The following MAMLD1 variants were observed in gnomAD, a reference collection of about 807,000 sequenced individuals.
MAMLD1 encodes mastermind-like domain-containing protein 1.
A neutral mutation model predicts 45.0 loss-of-function variants in MAMLD1; 14 were observed. The observed-to-expected ratio is 0.31, with a 90% CI of 0.21 to 0.49. The LOEUF (loss-of-function observed/expected upper bound fraction) is 0.49. MAMLD1 is among the 20% of genes least tolerant of loss of function. MAMLD1 has a pLI of 0.99. For synonymous variants in MAMLD1, 254 were observed against 247.8 expected, an observed-to-expected ratio of 1.02 and a Z score of -0.24; for missense variants, 543 against 603.6, an observed-to-expected ratio of 0.90 and a Z score of 1.05.
At position 150,501,974 on chromosome X, in the gene MAMLD1, C is replaced by A. The variant is rs2037570224; in HGVS notation, c.2041-1300C>A. ...GGCAACTTAGTTAACCTCTCTGGGC[C>A]TCATTGGCCTCATTTGTAAAATAAG... On this transcript the variant is annotated intron_variant, in intron 5 of 7. Transcript: ENST00000370401. Among the ~76,000 whole-genome samples, 3 of 112,096 alleles carry A rather than the reference C, an allele frequency of 2.7e-5. No individual in the cohort carries two copies. The Admixed American group carries it at 2.8e-4, about 11-fold the overall frequency.
At chrX:150,369,694 A>G (rs2124450899) in intron 1 of MAMLD1, among the ~76,000 whole-genome samples, 2 of 112,208 alleles carry the variant, frequency 1.8e-5, no homozygotes, top group East Asian at 5.6e-4. Flanking sequence ...ATATTTCCAA[A>G]GGACTCATCT....
rs1293983957 is a variant in MAMLD1, at chrX:150,369,335, T to C, written c.-64+5805T>C. ...AGTCCCTTCCAGTTCTAAAACACTA[T>C]GGTTTGTGAATGAAATAGTCATTTT... On this transcript the variant is annotated intron_variant, in intron 1 of 7. Transcript: ENST00000370401. Among the ~76,000 whole-genome samples the C allele has an allele frequency of 4.5e-5, 5 of 111,950 alleles. 1 individual carries two copies. The highest frequency in any genetic ancestry group is 7.5e-5 in the Non-Finnish European group (4 of 53,232).
chrX:150,493,538 G>T (rs1320244460), intron 5 of MAMLD1, among the ~76,000 whole-genome samples: 1 of 111,221 alleles, frequency 9.0e-6, no homozygotes, highest in Non-Finnish European at 1.9e-5. Flanking sequence ...CACCAACCAG[G>T]TTCAGAAATA....
chrX:150,440,158 T>G (rs902478496), intron 1 of MAMLD1, among the ~76,000 whole-genome samples: 1 of 111,438 alleles, frequency 9.0e-6, no homozygotes, highest in Non-Finnish European at 1.9e-5. Flanking sequence ...TATGGTAATA[T>G]GGTGGTATGT....
chrX:150,443,592 A>G (rs2035395981), intron 1 of MAMLD1, among the ~76,000 whole-genome samples: 1 of 74,222 alleles, frequency 1.3e-5, no homozygotes, highest in Non-Finnish European at 2.4e-5. Context: ...CAGTCCCCAG[A>G]GTGTGATGTT....
intron 1 of MAMLD1, among the ~76,000 whole-genome samples, chrX:150,383,260 G>C (rs1269015012): frequency 9.0e-6 from 1 of 110,648 alleles, no homozygotes; most frequent in African/African-American, 3.3e-5. Flanking sequence ...AGAAAATATA[G>C]AGTTTTTTTA....
chrX:150,376,113 G>A (rs990960518), intron 1 of MAMLD1, among the ~76,000 whole-genome samples: 24 of 112,017 alleles, frequency 2.1e-4, no homozygotes, highest in African/African-American at 7.5e-4. Flanking sequence ...GTACAATGAA[G>A]GAATGGTGTA....
intron 1 of MAMLD1, among the ~76,000 whole-genome samples, chrX:150,391,460 C>G (rs1056355479): frequency 1.3e-4 from 15 of 111,535 alleles, no homozygotes; most frequent in African/African-American, 4.6e-4. Flanking sequence ...CTCATTAACT[C>G]TATCTTCTTT....
At chrX:150,455,976 G>A (rs1323785780) in intron 2 of MAMLD1, among the ~76,000 whole-genome samples, 1 of 110,711 alleles carries the variant, frequency 9.0e-6, no homozygotes, top group Non-Finnish European at 1.9e-5. Flanking sequence ...TCTTCTCTGA[G>A]GTCACTGCTA....
intron 1 of MAMLD1, among the ~76,000 whole-genome samples, chrX:150,391,140 C>A (rs1557402167): frequency 8.9e-6 from 1 of 111,871 alleles, no homozygotes. Flanking sequence ...TGTGCCTTGG[C>A]ATGGATTTCT....
rs1557409345 is a variant in MAMLD1, at chrX:150,513,447, T to C, written c.*1488T>C. On this transcript the variant is annotated 3_prime_UTR_variant, in exon 8 of 8. Transcript: ENST00000370401. ...TCCAGTGATACCTTGTTAAGCTAGG[T>C]GGCTGAGTCGCTTATGGTTTTAATG... 6.7e-6 allele frequency: 2 copies of C among 299,176 alleles called. No individual in the cohort carries two copies. The highest frequency in any genetic ancestry group is 5.4e-5 in the African/African-American group (2 of 36,732). 24.7% of individuals were successfully genotyped at this position (299,176 alleles called of 1,213,427 possible).
At chrX:150,395,753 G>A (rs1187788180) in intron 1 of MAMLD1, among the ~76,000 whole-genome samples, 1 of 110,270 alleles carries the variant, frequency 9.1e-6, no homozygotes, top group African/African-American at 3.3e-5. Context: ...ATTATGCTTT[G>A]AATGTCCATG....
At chrX:150,398,335 G>A (rs1569564623) in intron 1 of MAMLD1, among the ~76,000 whole-genome samples, 1 of 76,691 alleles carries the variant, frequency 1.3e-5, no homozygotes, top group East Asian at 3.7e-4. Flanking sequence ...AGAAGAAGAA[G>A]AAGAAGAGGA....
At chrX:150,504,008 T>C in intron 6 of MAMLD1, 1 of 752,593 alleles carries the variant, frequency 1.3e-6, no homozygotes. Context: ...TGCTGTGGAT[T>C]CCAAACCCCG....
chrX:150,406,391 C>A (rs2124529204), intron 1 of MAMLD1, among the ~76,000 whole-genome samples: 1 of 111,082 alleles, frequency 9.0e-6, no homozygotes, highest in African/African-American at 3.3e-5. Context: ...CTGCTCCAGA[C>A]CCCATCACCT....
At chrX:150,424,334 AG>A (rs1170438966) in intron 1 of MAMLD1, among the ~76,000 whole-genome samples, 2 of 112,401 alleles carry the variant, frequency 1.8e-5, no homozygotes, top group Non-Finnish European at 3.8e-5. Flanking sequence ...CCCAGATGAG[AG>A]GGGGGCATTT....
chrX:150,495,796 A>T (rs1395327751), intron 5 of MAMLD1, among the ~76,000 whole-genome samples: 1 of 111,775 alleles, frequency 8.9e-6, no homozygotes, highest in Non-Finnish European at 1.9e-5. Flanking sequence ...GAACATCTAG[A>T]GCTCCTCCTC....
chrX:150,395,913 T>C (rs1244065280), intron 1 of MAMLD1, among the ~76,000 whole-genome samples: 1 of 110,784 alleles, frequency 9.0e-6, no homozygotes, highest in Non-Finnish European at 1.9e-5. Flanking sequence ...ATTGATTTCC[T>C]GTTTTTAATT....
intron 2 of MAMLD1, among the ~76,000 whole-genome samples, chrX:150,455,125 A>T (rs1363132300): frequency 8.0e-5 from 9 of 112,240 alleles, no homozygotes; most frequent in Admixed American, 7.5e-4. Flanking sequence ...TCAATATAGA[A>T]CCTACTCTTG....
Sources: allele counts gnomAD v4.1 joint callset (sites outside exome capture counted in the v4.1 genomes callset), GRCh38; gene constraint gnomAD v4.1.1; transcripts MANE v1.5; gene names NCBI Gene and HGNC (gene_info 2026-07-23, HGNC 2026-07-21).